The following PDE4D variants were observed in gnomAD, a reference collection of about 807,000 sequenced individuals.
PDE4D encodes 3',5'-cyclic-AMP phosphodiesterase 4D.
In PDE4D, 24 loss-of-function variants were observed where a neutral mutation model predicts 87.4. The ratio of observed to expected loss-of-function variants is 0.27; its 90% CI spans 0.20 to 0.39. PDE4D has a LOEUF of 0.39. PDE4D is among the 10% of genes least tolerant of loss of function. The pLI, the probability that PDE4D is intolerant of heterozygous loss-of-function variation, is 1.00. For synonymous variants in PDE4D, 384 were observed against 383.2 expected (o/e 1.00, Z -0.02); for missense variants, 714 against 1,041.0 (o/e 0.69, Z 4.32).
At chr5:60,304,901 A>C (rs964508472) in intron 1 of PDE4D, among the ~76,000 whole-genome samples, 1 of 152,040 alleles carries the variant, frequency 6.6e-6, no homozygotes, top group African/African-American at 2.4e-5. Flanking sequence ...CTGGATATTA[A>C]GTTTTCAACA....
intron 1 of PDE4D, among the ~76,000 whole-genome samples, chr5:59,889,408 G>A (rs1367507586): frequency 2.0e-5 from 3 of 151,784 alleles, no homozygotes; most frequent in African/African-American, 7.3e-5. Context: ...TTGAGCACAT[G>A]TGTTCAAGGC....
intron 1 of PDE4D, chr5:60,185,736 G>T: frequency 1.8e-6 from 1 of 570,176 alleles, no homozygotes; most frequent in Non-Finnish European, 3.2e-6. Flanking sequence ...ATTAACACTT[G>T]CACTTTGAAA....
chr5:58,995,327 T>A (rs1308484677), intron 6 of PDE4D, among the ~76,000 whole-genome samples: 1 of 152,150 alleles, frequency 6.6e-6, no homozygotes, highest in Non-Finnish European at 1.5e-5. Flanking sequence ...CCCTTGTATG[T>A]GAATACATAT....
intron 1 of PDE4D, chr5:59,703,463 T>C (rs541869153): frequency 4.2e-6 from 2 of 472,338 alleles, no homozygotes; most frequent in Admixed American, 2.3e-5. Flanking sequence ...GAACAGATAA[T>C]ACATATGTAT....
intron 1 of PDE4D, among the ~76,000 whole-genome samples, chr5:60,305,729 C>T (rs1363904905): frequency 6.7e-6 from 1 of 149,718 alleles, no homozygotes. Context: ...AAAACTCTAG[C>T]TTCAAATAAA....
chr5:59,029,817 C>T (rs1756997846), intron 6 of PDE4D, among the ~76,000 whole-genome samples: 1 of 152,158 alleles, frequency 6.6e-6, no homozygotes, highest in Admixed American at 6.5e-5. Flanking sequence ...ATCAAAACAG[C>T]ATGTTATTGA....
chr5:60,427,100 T>C (rs1047263684), intron 1 of PDE4D, among the ~76,000 whole-genome samples: 1 of 152,120 alleles, frequency 6.6e-6, no homozygotes, highest in Non-Finnish European at 1.5e-5. Flanking sequence ...GTAAATGTAA[T>C]TGGAATCCTA....
At chr5:60,319,626 G>C (rs1189814269) in intron 1 of PDE4D, among the ~76,000 whole-genome samples, 1 of 152,100 alleles carries the variant, frequency 6.6e-6, no homozygotes, top group Non-Finnish European at 1.5e-5. Context: ...ATCTACCTTT[G>C]GTCTTTGATG....
At chr5:59,439,540 A>G (rs539370716) in intron 1 of PDE4D, among the ~76,000 whole-genome samples, 7 of 152,198 alleles carry the variant, frequency 4.6e-5, no homozygotes, top group Non-Finnish European at 1.0e-4. Flanking sequence ...TCAAGTTACT[A>G]TTCTAGGCTC....
At chr5:59,874,992 G>A (rs1489995924) in intron 1 of PDE4D, among the ~76,000 whole-genome samples, 3 of 152,104 alleles carry the variant, frequency 2.0e-5, no homozygotes, top group Non-Finnish European at 2.9e-5. Flanking sequence ...CCTTTTCCAG[G>A]CAATGCAGAA....
chr5:59,365,119 A>G (rs1782842774), intron 1 of PDE4D, among the ~76,000 whole-genome samples: 1 of 152,216 alleles, frequency 6.6e-6, no homozygotes. Context: ...ATATTTATAG[A>G]AATAAAAAAT....
chr5:59,797,228 T>C (rs1300390991), intron 1 of PDE4D: 3 of 151,772 alleles, frequency 2.0e-5, no homozygotes, highest in African/African-American at 2.4e-5. Context: ...ATAGAAGACC[T>C]GTTGCTTGTG....
chr5:59,403,158 C>CAGACAGAA (rs1466978247), intron 1 of PDE4D, among the ~76,000 whole-genome samples: 2 of 103,000 alleles, frequency 1.9e-5, no homozygotes, highest in Non-Finnish European at 3.9e-5. Flanking sequence ...GACAGACAGA[C>CAGACAGAA]AGACAGACAG....
At chr5:59,455,045 T>A (rs182174535) in intron 1 of PDE4D, among the ~76,000 whole-genome samples, 1 of 152,242 alleles carries the variant, frequency 6.6e-6, no homozygotes, top group Admixed American at 6.5e-5. Context: ...AGCACAAAAG[T>A]TTGGAAAATT....
At chr5:59,906,557 A>G (rs1752842191) in intron 3 of PDE4D, among the ~76,000 whole-genome samples, 1 of 152,230 alleles carries the variant, frequency 6.6e-6, no homozygotes, top group South Asian at 2.1e-4. Flanking sequence ...CTTCAGTGGC[A>G]GAGTTGAGTA....
chr5:59,000,502 T>C (rs965582076), intron 6 of PDE4D, among the ~76,000 whole-genome samples: 1 of 152,172 alleles, frequency 6.6e-6, no homozygotes, highest in African/African-American at 2.4e-5. Context: ...CTGTGTGCCA[T>C]GGCTGCTCTC....
intron 5 of PDE4D, among the ~76,000 whole-genome samples, chr5:59,144,897 G>GCA (rs1554080208): frequency 2.2e-5 from 3 of 135,710 alleles, no homozygotes; most frequent in African/African-American, 5.4e-5. Context: ...TAATGGGGGG[G>GCA]GGGGGGGGAA....
At chr5:60,421,533 T>C (rs765540436) in intron 1 of PDE4D, among the ~76,000 whole-genome samples, 1 of 152,230 alleles carries the variant, frequency 6.6e-6, no homozygotes, top group Non-Finnish European at 1.5e-5. Context: ...AAACCCCATC[T>C]GTAGGTCACC....
At chr5:59,068,582 T>C (rs74955761) in intron 5 of PDE4D, among the ~76,000 whole-genome samples, 1 of 152,332 alleles carries the variant, frequency 6.6e-6, no homozygotes, top group Non-Finnish European at 1.5e-5. Context: ...ATTAATGTTA[T>C]ATGCAAAAAT....
Sources: gnomAD v4.1 joint callset for allele counts (sites outside exome capture counted in the v4.1 genomes callset) on GRCh38, gnomAD v4.1.1 for gene constraint, MANE v1.5 for transcripts, NCBI Gene and HGNC (gene_info 2026-07-23, HGNC 2026-07-21) for gene names.